DNAJC3: variants seen among roughly 807,000 people sequenced by gnomAD.
DNAJC3 encodes DnaJ heat shock protein family (Hsp40) member C3, also known as dnaJ homolog subfamily C member 3.
DNAJC3 carries 38 observed loss-of-function variants against 68.6 expected under a neutral mutation model. That is an observed-to-expected ratio of 0.55 (90% CI 0.43 to 0.73). The LOEUF (loss-of-function observed/expected upper bound fraction) is 0.73, where lower values mean the gene tolerates loss of function less well. Among genes scored for constraint, DNAJC3 ranks in the 30% least tolerant of loss-of-function variants. The probability of loss-of-function intolerance (pLI) is 0.00; values close to 1 mark genes in which losing one functional copy is unlikely to be tolerated. For missense variants in DNAJC3, 526 were observed against 591.9 expected, an observed-to-expected ratio of 0.89 and a Z score of 1.16; for synonymous variants, 203 against 204.0, an observed-to-expected ratio of 1.00 and a Z score of 0.04.
At chr13:95,735,540 G>T (rs1414920136) in intron 4 of DNAJC3, among the ~76,000 whole-genome samples, 2 of 150,882 alleles carry the variant, frequency 1.3e-5, no homozygotes, top group Admixed American at 6.6e-5. Context: ...GTATCTCATT[G>T]TGGTTTTGAT....
intron 4 of DNAJC3, among the ~76,000 whole-genome samples, chr13:95,744,171 C>T (rs1882234230): frequency 6.6e-6 from 1 of 152,110 alleles, no homozygotes; most frequent in Middle Eastern, 3.4e-3. Flanking sequence ...TATACAGATA[C>T]TGTATGTGTT....
At chr13:95,703,068 G>A (rs146199859) in intron 1 of DNAJC3, among the ~76,000 whole-genome samples, 7 of 152,298 alleles carry the variant, frequency 4.6e-5, no homozygotes, top group African/African-American at 9.6e-5. Context: ...TAAAGTCATC[G>A]TGAACACTGC....
intron 2 of DNAJC3, among the ~76,000 whole-genome samples, chr13:95,713,686 C>T (rs73550558): frequency 0.017 from 2,601 of 152,248 alleles, 80 homozygotes; most frequent in African/African-American, 0.06. Flanking sequence ...GCCTTGTGGA[C>T]GAGATTTAAG....
intron 4 of DNAJC3, among the ~76,000 whole-genome samples, chr13:95,740,377 A>C (rs1882089977): frequency 6.6e-6 from 1 of 152,216 alleles, no homozygotes; most frequent in Non-Finnish European, 1.5e-5. Flanking sequence ...TACCTAAGCA[A>C]GCCTGGGCAA....
chr13:95,786,636 C>A (rs910195811), intron 10 of DNAJC3, among the ~76,000 whole-genome samples: 2 of 152,132 alleles, frequency 1.3e-5, no homozygotes, highest in Admixed American at 6.5e-5. Flanking sequence ...TAAGCTAATG[C>A]AGAAGCATAA....
Position 95,790,993 on chromosome 13 carries a change from C to G in DNAJC3, c.1478C>G (p.Ser493Ter). The change falls in exon 12 of 12, where the codon TCA becomes TGA. Residue 493 changes from serine (S) to a stop codon, truncating the protein, a stop_gained. Transcript: ENST00000602402. LOFTEE classifies it high-confidence loss of function. ...NSWQGFNPFS[S>*]GGPFRFKFHF... ...TGGCAAGGGTTCAATCCCTTCAGCT[C>G]AGGCGGACCATTTAGATTTAAATTC... The G allele has an allele frequency of 6.2e-7, 1 of 1,613,818 alleles. No homozygotes were observed. The highest frequency in any genetic ancestry group is 8.5e-7 in the Non-Finnish European group (1 of 1,179,928).
At chr13:95,690,853 C>G (rs1385494038) in intron 1 of DNAJC3, among the ~76,000 whole-genome samples, 1 of 142,164 alleles carries the variant, frequency 7.0e-6, no homozygotes, top group Non-Finnish European at 1.6e-5. Context: ...CCTCACTTCC[C>G]AGTAGGGGCG....
At chr13:95,719,992 C>T (rs1002209575) in intron 2 of DNAJC3, among the ~76,000 whole-genome samples, 4 of 151,970 alleles carry the variant, frequency 2.6e-5, no homozygotes. Flanking sequence ...TGTACATGTT[C>T]AGTACAGACA....
At chr13:95,752,514 T>C (rs913763621) in intron 4 of DNAJC3, among the ~76,000 whole-genome samples, 22 of 152,198 alleles carry the variant, frequency 1.4e-4, no homozygotes, top group African/African-American at 4.6e-4. Flanking sequence ...CTCACAGATA[T>C]GCAGGTAGAA....
intron 3 of DNAJC3, 28 bp downstream of exon 3, chr13:95,723,394 G>A: frequency 6.2e-7 from 1 of 1,600,210 alleles, no homozygotes; most frequent in Non-Finnish European, 8.5e-7. Flanking sequence ...TTCTTTAAAG[G>A]GGAACTTAAC....
chr13:95,704,879 T>G (rs1286190663), intron 1 of DNAJC3, among the ~76,000 whole-genome samples: 1 of 143,056 alleles, frequency 7.0e-6, no homozygotes, highest in Non-Finnish European at 1.5e-5. Flanking sequence ...TGAGACAGAG[T>G]CTCGCAGTGT....
At chr13:95,772,716 G>A (rs1273264603) in intron 9 of DNAJC3, among the ~76,000 whole-genome samples, 3 of 152,054 alleles carry the variant, frequency 2.0e-5, no homozygotes, top group Non-Finnish European at 4.4e-5. Flanking sequence ...AATATTTGCT[G>A]TTTCTTTTTG....
At chr13:95,783,161 G>A (rs896327126) in intron 9 of DNAJC3, among the ~76,000 whole-genome samples, 4 of 152,084 alleles carry the variant, frequency 2.6e-5, no homozygotes, top group South Asian at 2.1e-4. Flanking sequence ...GTCTGAGAAA[G>A]TATAACTTAA....
intron 9 of DNAJC3, among the ~76,000 whole-genome samples, chr13:95,776,204 GAT>G (rs1484619133): frequency 2.0e-5 from 3 of 152,124 alleles, no homozygotes; most frequent in Non-Finnish European, 4.4e-5. Flanking sequence ...CTCAAAAAGT[GAT>G]ATGAATGCGT....
chr13:95,723,105 T>C, intron 2 of DNAJC3, 137 bp from the exon 3 acceptor site: 1 of 843,642 alleles, frequency 1.2e-6, no homozygotes, highest in Non-Finnish European at 1.7e-6. Context: ...ACATGACTCT[T>C]TTTTGATGAT....
chr13:95,686,859 A>G (rs771254546), intron 1 of DNAJC3, among the ~76,000 whole-genome samples: 7 of 152,170 alleles, frequency 4.6e-5, no homozygotes, highest in Non-Finnish European at 8.8e-5. Context: ...TTGGCTATTC[A>G]TGCCCTTTTT....
At chr13:95,677,795 G>A (rs1483052871) in intron 1 of DNAJC3, among the ~76,000 whole-genome samples, 2 of 152,190 alleles carry the variant, frequency 1.3e-5, no homozygotes, top group Non-Finnish European at 2.9e-5. Flanking sequence ...GGAGTGTCAT[G>A]TCCGGCTGGG....
intron 9 of DNAJC3, among the ~76,000 whole-genome samples, chr13:95,779,525 C>T (rs1218414477): frequency 6.6e-6 from 1 of 152,156 alleles, no homozygotes. Context: ...ACATGAATCT[C>T]AGGCTTTTAA....
intron 9 of DNAJC3, among the ~76,000 whole-genome samples, chr13:95,764,681 T>C (rs868036644): frequency 0.027 from 2,919 of 109,876 alleles, 119 homozygotes; most frequent in African/African-American, 0.095. Flanking sequence ...TATATATATA[T>C]ATACACACAC....
Sources: allele counts gnomAD v4.1 joint callset (sites outside exome capture counted in the v4.1 genomes callset), GRCh38; gene constraint gnomAD v4.1.1; transcripts MANE v1.5; gene names NCBI Gene and HGNC (gene_info 2026-07-23, HGNC 2026-07-21).